Variants in ST8SIA5 observed in about 807,000 individuals in gnomAD.
The protein encoded by ST8SIA5 is ST8 alpha-N-acetyl-neuraminide alpha-2,8-sialyltransferase 5, also known as alpha-2,8-sialyltransferase 8E.
In ST8SIA5, 24 loss-of-function variants were observed where a neutral mutation model predicts 40.2. That is an observed-to-expected ratio of 0.60 (90% confidence interval 0.43 to 0.84). ST8SIA5 has a LOEUF of 0.84. ST8SIA5 is among the 40% of genes least tolerant of loss of function. The pLI is 0.00. For synonymous variants in ST8SIA5, 198 were observed against 201.8 expected, an observed-to-expected ratio of 0.98 and a Z score of 0.16; for missense variants, 465 against 498.5, an observed-to-expected ratio of 0.93 and a Z score of 0.64.
chr18:46,753,459 C>T (rs1467450347), intron 1 of ST8SIA5, among the ~76,000 whole-genome samples: 2 of 151,884 alleles, frequency 1.3e-5, no homozygotes, highest in Non-Finnish European at 2.9e-5. Context: ...GTAGTCCCAG[C>T]TACTTGCCAA....
chr18:46,692,231 G>A lies in ST8SIA5; in HGVS notation c.249C>T (p.Asp83=). The change falls in exon 3 of 7, where the codon GAC becomes GAT. Residue 83 remains aspartate (D), a synonymous_variant. Coordinates refer to ENST00000315087, the MANE Select transcript of ST8SIA5 (RefSeq NM_013305.6). The part of the protein sequence containing the change: ...LSMVKQSELF[D]RWKSLQMCKW... ...TGCACATCTGGAGGCTCTTCCACCTGTCGAACAGCTCTGACTGCTTCACCC... is the reference window on the plus strand; with the variant it reads ...TGCACATCTGGAGGCTCTTCCACCTATCGAACAGCTCTGACTGCTTCACCC... 1 of 1,614,124 alleles carries A rather than the reference G, an allele frequency of 6.2e-7. No individual in the cohort carries two copies. Among genetic ancestry groups the A allele is most frequent in the Admixed American group, 1.7e-5 (1 of 60,018 alleles).
Position 46,676,371 on chromosome 18 carries a change from C to T in ST8SIA5, c.*3671G>A, listed in dbSNP as rs537944806. ...GACGACGTTTTGTTCATCACTAGCTCCCCGGCACCTGGCACCATGCCTGGC... is the reference window on the plus strand; with the variant it reads ...GACGACGTTTTGTTCATCACTAGCTTCCCGGCACCTGGCACCATGCCTGGC... On this transcript the variant is annotated 3_prime_UTR_variant, in exon 7 of 7. Coordinates refer to ENST00000315087, the MANE Select transcript of ST8SIA5 (RefSeq NM_013305.6). 2.0e-5 allele frequency: 3 copies of T among 152,354 alleles called. No individual in the cohort carries two copies. The highest frequency in any genetic ancestry group is 1.3e-4 in the Admixed American group (2 of 15,304). 9.4% of individuals were successfully genotyped at this position (152,354 alleles called of 1,614,324 possible). A position where few individuals can be genotyped will look rare whatever the true frequency, so the allele number is the denominator to read the frequency against.
intron 5 of ST8SIA5, among the ~76,000 whole-genome samples, chr18:46,684,047 C>A (rs73433031): frequency 0.024 from 3,718 of 152,178 alleles, 147 homozygotes; most frequent in African/African-American, 0.086. Flanking sequence ...CACATACAGG[C>A]ACCCAGCAAG....
At chr18:46,701,451 G>C (rs2039615483) in intron 2 of ST8SIA5, among the ~76,000 whole-genome samples, 1 of 152,034 alleles carries the variant, frequency 6.6e-6, no homozygotes, top group African/African-American at 2.4e-5. Context: ...GGCCTTTAAA[G>C]AGGTAATAAA....
In ST8SIA5 at chr18:46,710,546, C is replaced by CT. The variant is rs371889933; in HGVS notation, c.132-5883dup. Among the ~76,000 whole-genome samples the CT allele has an allele frequency of 9.0e-3, 1,136 of 125,712 alleles. 16 individuals carry two copies. Among genetic ancestry groups the CT allele is most frequent in the African/African-American group, 0.029 (959 of 33,408 alleles). 82.5% of individuals were successfully genotyped at this position (125,712 alleles called of 152,430 possible). The stretch of plus-strand genomic sequence containing the variant: ...CCTTTCTTCCTTTCTTTCTTTCTCT[C>CT]TTTTTTTTTTTTTTGATGGAGTCTC... On this transcript the variant is annotated intron_variant, in intron 1 of 6. Transcript: ENST00000315087.
chr18:46,704,260 A>G (rs1301808935), intron 2 of ST8SIA5, among the ~76,000 whole-genome samples: 2 of 152,188 alleles, frequency 1.3e-5, no homozygotes, highest in East Asian at 1.9e-4. Context: ...GCCCTCTTCA[A>G]TTTCTACACA....
At chr18:46,686,719 G>A (rs2039451546) in intron 4 of ST8SIA5, among the ~76,000 whole-genome samples, 1 of 151,736 alleles carries the variant, frequency 6.6e-6, no homozygotes, top group Admixed American at 6.6e-5. Flanking sequence ...CATTTTCCCT[G>A]GATGGACAGG....
In ST8SIA5 at chr18:46,747,606, C is replaced by A. The variant is rs1408232932; in HGVS notation, c.131+8772G>T. Among the ~76,000 whole-genome samples, 3 of 152,166 alleles carry A rather than the reference C, an allele frequency of 2.0e-5. No individual in the cohort carries two copies. In the East Asian group the frequency reaches 5.8e-4, roughly 29 times the overall value. ...GAGAGGATGTAGAGAAATAGGAACACTTTTACACTGTTGGTGGGAGTGTAA... is the reference window on the plus strand; with the variant it reads ...GAGAGGATGTAGAGAAATAGGAACAATTTTACACTGTTGGTGGGAGTGTAA... On this transcript the variant is annotated intron_variant, in intron 1 of 6. Coordinates refer to ENST00000315087, the MANE Select transcript of ST8SIA5 (RefSeq NM_013305.6).
Position 46,679,986 on chromosome 18 carries a change from C to T in ST8SIA5, c.*56G>A, listed in dbSNP as rs1276478703. On this transcript the variant is annotated 3_prime_UTR_variant, in exon 7 of 7. Transcript: ENST00000315087. ...CCCGGTTCGGGGCTCCCAGTTCCACCAGGAGGGACAGCAGGAGAGGGGGCG... is the reference window on the plus strand; with the variant it reads ...CCCGGTTCGGGGCTCCCAGTTCCACTAGGAGGGACAGCAGGAGAGGGGGCG... The T allele has an allele frequency of 3.9e-6, 6 of 1,529,246 alleles. No homozygotes were observed. Among genetic ancestry groups the T allele is most frequent in the African/African-American group, 2.7e-5 (2 of 72,976 alleles). 94.7% of individuals were successfully genotyped at this position (1,529,246 alleles called of 1,614,324 possible).
At chr18:46,731,562 C>T (rs2039985043) in intron 1 of ST8SIA5, 1 of 152,240 alleles carries the variant, frequency 6.6e-6, no homozygotes, top group African/African-American at 2.4e-5. Context: ...TGGCTGCAGC[C>T]ACTGATCTGA....
intron 1 of ST8SIA5, among the ~76,000 whole-genome samples, chr18:46,722,358 C>G (rs926765919): frequency 6.6e-6 from 1 of 152,152 alleles, no homozygotes; most frequent in Admixed American, 6.5e-5. Flanking sequence ...CTGGGGAAAC[C>G]GACTCACAGG....
chr18:46,756,703 G>C lies in ST8SIA5; in HGVS notation c.-195C>G. On this transcript the variant is annotated 5_prime_UTR_variant, in exon 1 of 7. Coordinates refer to ENST00000315087, the MANE Select transcript of ST8SIA5 (RefSeq NM_013305.6). ...ATCCAAGCGTCGCAGGCGCTGGGGC[G>C]GCAAGCAGGACAGGGCCGGTGGCAG... The C allele has an allele frequency of 1.6e-6, 1 of 622,614 alleles. No individual in the cohort carries two copies. Among genetic ancestry groups the C allele is most frequent in the Non-Finnish European group, 2.6e-6 (1 of 378,138 alleles). 38.6% of individuals were successfully genotyped at this position (622,614 alleles called of 1,614,324 possible). A position where few individuals can be genotyped will look rare whatever the true frequency, so the allele number is the denominator to read the frequency against.
Position 46,728,292 on chromosome 18 carries a change from A to G in ST8SIA5, c.132-23628T>C, listed in dbSNP as rs913098884. On this transcript the variant is annotated intron_variant, in intron 1 of 6. Transcript: ENST00000315087. ...ATTTTGATTGAAGTGCCAAAGTTAC[A>G]GAATTTCTGGCACTGGAGGAGGCCA... Among the ~76,000 whole-genome samples, 12 of 152,286 alleles carry G rather than the reference A, an allele frequency of 7.9e-5. No individual in the cohort carries two copies. In the Middle Eastern group the frequency reaches 0.01, roughly 131 times the overall value.
In ST8SIA5 at chr18:46,670,784, G is replaced by A. The variant is rs150585481; in HGVS notation, c.*9258C>T. On this transcript the variant is annotated 3_prime_UTR_variant, in exon 7 of 7. Transcript: ENST00000315087. ...TTTTTTTTTCCAAAGACAAGCTGTC[G>A]TTGAACAAGTAAACTAGTTTTGGTC... 8 of 151,830 alleles carry A rather than the reference G, an allele frequency of 5.3e-5. No individual in the cohort carries two copies. Among genetic ancestry groups the A allele is most frequent in the Admixed American group, 2.0e-4 (3 of 15,250 alleles). 9.4% of individuals were successfully genotyped at this position (151,830 alleles called of 1,614,324 possible).
intron 5 of ST8SIA5, 126 bp from the exon 6 acceptor site, chr18:46,682,190 G>T: frequency 5.9e-6 from 4 of 672,510 alleles, no homozygotes; most frequent in Non-Finnish European, 9.8e-6. Flanking sequence ...CAGCTAGGCA[G>T]GTTCTCTGTA....
chr18:46,695,518 A>G (rs2039549387), intron 2 of ST8SIA5, among the ~76,000 whole-genome samples: 1 of 152,188 alleles, frequency 6.6e-6, no homozygotes, highest in South Asian at 2.1e-4. Flanking sequence ...ATTAAATAGG[A>G]TGATGTGATA....
At chr18:46,685,944 C>T in intron 5 of ST8SIA5, 1 of 568,648 alleles carries the variant, frequency 1.8e-6, no homozygotes, top group South Asian at 2.1e-5. Flanking sequence ...ATGTCCTTTG[C>T]TCTTAACACA....
chr18:46,753,342 G>A (rs1293773303), intron 1 of ST8SIA5, among the ~76,000 whole-genome samples: 1 of 152,146 alleles, frequency 6.6e-6, no homozygotes, highest in Non-Finnish European at 1.5e-5. Context: ...GAAGGCCGAG[G>A]CGGGCGGATC....
intron 2 of ST8SIA5, among the ~76,000 whole-genome samples, chr18:46,702,357 A>C (rs1457397816): frequency 6.6e-6 from 1 of 152,142 alleles, no homozygotes; most frequent in African/African-American, 2.4e-5. Context: ...GGCATGTTTA[A>C]AATACCAACC....
Sources: allele counts gnomAD v4.1 joint callset (sites outside exome capture counted in the v4.1 genomes callset), GRCh38; gene constraint gnomAD v4.1.1; transcripts MANE v1.5; gene names NCBI Gene and HGNC (gene_info 2026-07-23, HGNC 2026-07-21).